NEGR1: variants seen among roughly 807,000 people sequenced by gnomAD.
The protein encoded by NEGR1 is neuronal growth regulator 1, also known as IgLON family member 4.
Under a neutral mutation model 40.9 loss-of-function variants are expected in NEGR1, and 10 were observed. The observed-to-expected ratio is 0.24, with a 90% CI of 0.15 to 0.42. NEGR1 has a LOEUF of 0.42. Ranked by LOEUF, NEGR1 falls within the 10% of genes least tolerant of loss-of-function variation. The pLI, the probability that NEGR1 is intolerant of heterozygous loss-of-function variation, is 1.00. For synonymous variants in NEGR1, 185 were observed against 166.8 expected, an observed-to-expected ratio of 1.11 and a Z score of -0.84; for missense variants, 352 against 438.9, an observed-to-expected ratio of 0.80 and a Z score of 1.77.
intron 2 of NEGR1, among the ~76,000 whole-genome samples, chr1:71,926,730 A>G (rs1645777543): frequency 6.6e-6 from 1 of 152,086 alleles, no homozygotes; most frequent in South Asian, 2.1e-4. Context: ...AATATTATCA[A>G]CTTAGTAATT....
intron 2 of NEGR1, among the ~76,000 whole-genome samples, chr1:71,894,268 G>C (rs1660899882): frequency 6.7e-6 from 1 of 149,962 alleles, no homozygotes; most frequent in African/African-American, 2.4e-5. Context: ...GAGAAGTCAA[G>C]AACACAAGAC....
At chr1:71,764,245 T>C (rs1353354053) in intron 3 of NEGR1, among the ~76,000 whole-genome samples, 3 of 152,178 alleles carry the variant, frequency 2.0e-5, no homozygotes, top group Non-Finnish European at 4.4e-5. Context: ...AAACAACATA[T>C]GTAAAGGTAG....
chr1:72,037,021 T>C (rs1277213275), intron 1 of NEGR1, among the ~76,000 whole-genome samples: 2 of 152,106 alleles, frequency 1.3e-5, no homozygotes, highest in Non-Finnish European at 2.9e-5. Flanking sequence ...TCAGATCTAT[T>C]TGATGGAACA....
At chr1:71,853,444 A>T (rs1259880859) in intron 2 of NEGR1, among the ~76,000 whole-genome samples, 1 of 152,092 alleles carries the variant, frequency 6.6e-6, no homozygotes. Flanking sequence ...TAAAATATAT[A>T]TGTTAGTGTT....
chr1:71,993,189 C>T (rs980075911), intron 1 of NEGR1, among the ~76,000 whole-genome samples: 3 of 152,128 alleles, frequency 2.0e-5, no homozygotes, highest in Admixed American at 6.6e-5. Context: ...ACTTTCCACA[C>T]CCTAGTCAGG....
chr1:71,438,912 C>T (rs1311562465), intron 6 of NEGR1, among the ~76,000 whole-genome samples: 1 of 152,114 alleles, frequency 6.6e-6, no homozygotes, highest in Admixed American at 6.5e-5. Flanking sequence ...GAGGAGCAAG[C>T]TATACTGGCC....
chr1:72,250,716 T>C (rs543575418), intron 1 of NEGR1, among the ~76,000 whole-genome samples: 28 of 152,302 alleles, frequency 1.8e-4, no homozygotes, highest in African/African-American at 6.5e-4. Flanking sequence ...TTTTTATCAA[T>C]ATCTTAAGGG....
chr1:71,558,891 C>G (rs1648345530), intron 6 of NEGR1, among the ~76,000 whole-genome samples: 1 of 150,600 alleles, frequency 6.6e-6, no homozygotes, highest in South Asian at 2.1e-4. Context: ...ACTAGTTGCA[C>G]TAGTCACTAC....
chr1:72,030,090 T>C (rs1241051753), intron 1 of NEGR1, among the ~76,000 whole-genome samples: 1 of 151,804 alleles, frequency 6.6e-6, no homozygotes, highest in East Asian at 1.9e-4. Context: ...CCAGCCCTCA[T>C]GTAGTTGCAG....
chr1:71,969,091 T>C (rs1181416139), intron 1 of NEGR1, among the ~76,000 whole-genome samples: 1 of 152,072 alleles, frequency 6.6e-6, no homozygotes, highest in African/African-American at 2.4e-5. Flanking sequence ...CTTGGCTTAC[T>C]GCAACCTCTA....
intron 6 of NEGR1, chr1:71,463,360 T>C (rs551008873): frequency 1.3e-5 from 2 of 152,262 alleles, no homozygotes; most frequent in African/African-American, 4.8e-5. Flanking sequence ...TGTTGAAGTT[T>C]TGCAAGGTCA....
At chr1:71,846,461 A>G (rs1659418382) in intron 2 of NEGR1, among the ~76,000 whole-genome samples, 1 of 148,792 alleles carries the variant, frequency 6.7e-6, no homozygotes, top group South Asian at 2.1e-4. Flanking sequence ...TTGCTGACAC[A>G]TTTTCTAGGA....
At position 72,159,977 on chromosome 1, in the gene NEGR1, A is replaced by G. The variant is rs561029650; in HGVS notation, c.176+122342T>C. ...TAATTTGTAGCCAAAGTTAAATTAA[A>G]TAGATTTTATAAATTGGTTCATTCC... On this transcript the variant is annotated intron_variant, in intron 1 of 6. Coordinates refer to ENST00000357731, the MANE Select transcript of NEGR1 (RefSeq NM_173808.3). Among the ~76,000 whole-genome samples the G allele has an allele frequency of 1.6e-3, 249 of 152,274 alleles. 1 individual carries two copies. Among genetic ancestry groups the G allele is most frequent in the Non-Finnish European group, 3.1e-3 (209 of 68,000 alleles).
intron 1 of NEGR1, among the ~76,000 whole-genome samples, chr1:71,951,646 A>C (rs1481955892): frequency 6.6e-6 from 1 of 151,948 alleles, no homozygotes; most frequent in Admixed American, 6.6e-5. Context: ...GAATAAGCAA[A>C]ATATTTACAC....
chr1:71,656,638 G>A (rs1421130585), intron 4 of NEGR1, among the ~76,000 whole-genome samples: 1 of 152,046 alleles, frequency 6.6e-6, no homozygotes, highest in African/African-American at 2.4e-5. Context: ...CTGACCTCGT[G>A]ATCCGCCCGC....
At chr1:71,921,831 ATAG>A (rs1200533861) in intron 2 of NEGR1, among the ~76,000 whole-genome samples, 1 of 151,418 alleles carries the variant, frequency 6.6e-6, no homozygotes, top group Non-Finnish European at 1.5e-5. Flanking sequence ...CTTCCAGTTA[ATAG>A]TAGGCTATTA....
At chr1:71,504,517 C>T (rs962223172) in intron 6 of NEGR1, among the ~76,000 whole-genome samples, 2 of 152,048 alleles carry the variant, frequency 1.3e-5, no homozygotes, top group East Asian at 3.9e-4. Context: ...AGAAAATATC[C>T]TGAATGGAAA....
intron 1 of NEGR1, among the ~76,000 whole-genome samples, chr1:72,187,118 G>A (rs939005079): frequency 4.6e-5 from 7 of 151,470 alleles, no homozygotes; most frequent in African/African-American, 1.7e-4. Context: ...GAGAAGGGAT[G>A]CTATGCTTTC....
intron 4 of NEGR1, among the ~76,000 whole-genome samples, chr1:71,688,927 G>A (rs1212360739): frequency 2.0e-5 from 3 of 152,032 alleles, no homozygotes; most frequent in African/African-American, 7.2e-5. Flanking sequence ...CTGAGCCTCT[G>A]AGAAATTAGC....
Sources: allele counts gnomAD v4.1 joint callset (sites outside exome capture counted in the v4.1 genomes callset), GRCh38; gene constraint gnomAD v4.1.1; transcripts MANE v1.5; gene names NCBI Gene and HGNC (gene_info 2026-07-23, HGNC 2026-07-21).